IFNAR1: variants seen among roughly 807,000 people sequenced by gnomAD.
IFNAR1 encodes the protein interferon alpha and beta receptor subunit 1, also known as interferon alpha/beta receptor 1.
IFNAR1 carries 47 observed loss-of-function variants against 62.1 expected under a neutral mutation model. The observed-to-expected ratio is 0.76, with a 90% confidence interval of 0.60 to 0.97. IFNAR1 has a LOEUF of 0.97. Ranked by LOEUF, IFNAR1 falls within the 50% of genes least tolerant of loss-of-function variation. The pLI, the probability that IFNAR1 is intolerant of heterozygous loss-of-function variation, is 0.00. For missense variants in IFNAR1, 638 were observed against 654.5 expected, an observed-to-expected ratio of 0.97 and a Z score of 0.27; for synonymous variants, 219 against 226.9, an observed-to-expected ratio of 0.97 and a Z score of 0.31.
chr21:33,349,429 T>C lies in IFNAR1; in HGVS notation c.1029T>C (p.Ser343=). 1 of 1,611,004 alleles carries C rather than the reference T, an allele frequency of 6.2e-7. No homozygotes were observed. Among genetic ancestry groups the C allele is most frequent in the Non-Finnish European group, 8.5e-7 (1 of 1,178,186 alleles). ...CAGTCTTTAACATTAGATCCCTTAG[T>C]GATTCATTCCATATCTATATCGGTG... is the stretch of plus-strand genomic sequence containing the variant. The part of the protein sequence containing the change: ...LPPVFNIRSL[S]DSFHIYIGAP... The change falls in exon 8 of 11, where the codon AGT becomes AGC. Residue 343 remains serine, a synonymous_variant. Coordinates refer to ENST00000270139, the MANE Select transcript of IFNAR1 (RefSeq NM_000629.3).
chr21:33,337,686 C>CTGTATACATACATATACACACATTG (rs371804696), intron 2 of IFNAR1, among the ~76,000 whole-genome samples: 654 of 58,526 alleles, frequency 0.011, 116 homozygotes, highest in East Asian at 0.032. Flanking sequence ...ATAATACATA[C>CTGTATACATACATATACACACATTG]TGTATACATA....
rs1381143978 is a variant in IFNAR1 at position 33,355,768 on chromosome 21, A to C, written c.*219A>C. The C allele has an allele frequency of 4.0e-6, 1 of 249,284 alleles. No homozygotes were observed. The highest frequency in any genetic ancestry group is 7.7e-6 in the Non-Finnish European group (1 of 129,536). The allele number at this position is 249,284 out of a possible 1,614,324, so 15.4% of individuals were successfully genotyped here. On this transcript the variant is annotated 3_prime_UTR_variant, in exon 11 of 11. Transcript: ENST00000270139. ...CACGGTGGCTCACACCTGTAATCCCAGCACTTTGGGAGGCTGAGGCAGGCA... is the reference window on the plus strand; with the variant it reads ...CACGGTGGCTCACACCTGTAATCCCCGCACTTTGGGAGGCTGAGGCAGGCA...
At chr21:33,355,290 C>A in intron 10 of IFNAR1, 26 bp from the exon 11 acceptor site, 2 of 1,096,774 alleles carry the variant, frequency 1.8e-6, no homozygotes, top group Non-Finnish European at 2.6e-6. Context: ...TAATTGATTT[C>A]TACTCTTTCC....
In IFNAR1 at chr21:33,345,332, A is replaced by C; in HGVS notation, c.760A>C (p.Asn254His). The change falls in exon 6 of 11, where the codon AAC becomes CAC. Residue 254 changes from asparagine to histidine, a missense_variant. By Grantham distance (68) the Asn-to-His change is moderately conservative. Transcript: ENST00000270139. ...YVLKWDYTYANMTFQVQWLHA... is the reference protein window; with the variant it reads ...YVLKWDYTYAHMTFQVQWLHA... Reference sequence around the variant, plus strand: ...TCTTAAATGGGATTATACATATGCAAACATGACCTTTCAAGTTCAGTGGCT... The same window carrying C: ...TCTTAAATGGGATTATACATATGCACACATGACCTTTCAAGTTCAGTGGCT... 1 of 1,598,152 alleles carries C rather than the reference A, an allele frequency of 6.3e-7. No homozygotes were observed. Among genetic ancestry groups the C allele is most frequent in the Non-Finnish European group, 8.6e-7 (1 of 1,165,946 alleles).
intron 3 of IFNAR1, among the ~76,000 whole-genome samples, chr21:33,341,620 G>A (rs1426519624): frequency 6.6e-6 from 1 of 151,976 alleles, no homozygotes; most frequent in Non-Finnish European, 1.5e-5. Context: ...GCACCACTCT[G>A]AAGTTTCTAT....
At chr21:33,324,880 G>T, upstream of IFNAR1, 1 of 409,278 alleles carries the variant, frequency 2.4e-6, no homozygotes, top group Non-Finnish European at 4.3e-6. Flanking sequence ...AACGGCGCGT[G>T]CGCGGAGGGG....
At chr21:33,335,682 C>G in intron 2 of IFNAR1, 35 bp downstream of exon 2, 1 of 1,463,298 alleles carries the variant, frequency 6.8e-7, no homozygotes. Flanking sequence ...GTCAGAATGA[C>G]CTGAATAATT....
rs574506341 is a variant in IFNAR1, at chr21:33,350,985, A to G, written c.1143+1442A>G. On this transcript the variant is annotated intron_variant, in intron 8 of 10. Transcript: ENST00000270139. ...AGGATGTTTATAAGGTTTAAAAGGA[A>G]GTAACAAATATGAAAATACCTAGCA... Among the ~76,000 whole-genome samples, 7 of 152,338 alleles carry G rather than the reference A, an allele frequency of 4.6e-5. No homozygotes were observed. In the South Asian group the frequency reaches 1.4e-3, roughly 32 times the overall value.
In IFNAR1 at chr21:33,353,770, C is replaced by T. The variant is rs369713150; in HGVS notation, c.1427C>T (p.Ser476Phe). Reference sequence around the variant, plus strand: ...TTCTTTCCATCACTTAAACCTTCTTCCAGTATAGATGAGGTATGTTACTTT... The same window carrying T: ...TTCTTTCCATCACTTAAACCTTCTTTCAGTATAGATGAGGTATGTTACTTT... Reference protein sequence around the residue: ...YVFFPSLKPSSSIDEYFSEQP... With the variant: ...YVFFPSLKPSFSIDEYFSEQP... Residue 476 changes from serine to phenylalanine, a missense_variant, in exon 10 of 11, where the codon TCC becomes TTC. Coordinates refer to ENST00000270139, the MANE Select transcript of IFNAR1 (RefSeq NM_000629.3). 2.1e-4 allele frequency: 326 copies of T among 1,576,762 alleles called. 1 individual carries two copies. The highest frequency in any genetic ancestry group is 1.6e-3 in the South Asian group (133 of 84,636).
chr21:33,342,333 C>T lies in IFNAR1; in HGVS notation c.377-935C>T, dbSNP rs903911860. 8.5e-5 allele frequency among the ~76,000 whole-genome samples: 13 copies of T among 152,180 alleles called. 1 individual carries two copies. The highest frequency in any genetic ancestry group is 6.5e-4 in the Admixed American group (10 of 15,272). On this transcript the variant is annotated intron_variant, in intron 3 of 10. Transcript: ENST00000270139. ...AGCTGAAGAGGGAGGATCACTTGAG[C>T]CTGGGAGATCAAGGTTGCAGTGAGC...
intron 6 of IFNAR1, among the ~76,000 whole-genome samples, chr21:33,346,658 C>T (rs1010280450): frequency 3.9e-5 from 6 of 152,116 alleles, no homozygotes; most frequent in Admixed American, 1.3e-4. Flanking sequence ...CAGAATCAAA[C>T]GTGGTTCAAA....
intron 2 of IFNAR1, among the ~76,000 whole-genome samples, chr21:33,339,948 A>AT (rs1418586040): frequency 4.0e-5 from 6 of 151,084 alleles, no homozygotes; most frequent in Non-Finnish European, 4.4e-5. Flanking sequence ...AAAAAAAAAA[A>AT]AAGAAATCTG....
rs2123279100 is a variant in IFNAR1, at chr21:33,356,131, G to A, written c.*582G>A. The stretch of plus-strand genomic sequence containing the variant: ...TGAGATGAGTCAGACCAAAACAGTG[G>A]CCACCCGTCTTCCTCCTGTGAGCCT... On this transcript the variant is annotated 3_prime_UTR_variant, in exon 11 of 11. Transcript: ENST00000270139. 6.6e-6 allele frequency: 1 copy of A among 152,304 alleles called. No individual in the cohort carries two copies. The highest frequency in any genetic ancestry group is 3.4e-3 in the Middle Eastern group (1 of 296). 9.4% of individuals were successfully genotyped at this position (152,304 alleles called of 1,614,324 possible).
chr21:33,349,231 C>T lies in IFNAR1; in HGVS notation c.929C>T (p.Ser310Phe), dbSNP rs1452774007. The change falls in exon 7 of 11, where the codon TCT becomes TTT. Residue 310 changes from serine to phenylalanine, a missense_variant. Physicochemically the swap from Ser to Phe is radical, Grantham distance 155. Coordinates refer to ENST00000270139, the MANE Select transcript of IFNAR1 (RefSeq NM_000629.3). Reference protein sequence around the residue: ...KGIYLLRVQASDGNNTSFWSE... With the variant: ...KGIYLLRVQAFDGNNTSFWSE... ...ATTTACCTTCTCCGCGTACAAGCAT[C>T]TGATGGAAATAACACATCTTTTTGG... 6.2e-7 allele frequency: 1 copy of T among 1,613,436 alleles called. No individual in the cohort carries two copies. Among genetic ancestry groups the T allele is most frequent in the Admixed American group, 1.7e-5 (1 of 59,986 alleles).
intron 8 of IFNAR1, among the ~76,000 whole-genome samples, chr21:33,351,553 T>A (rs1003619162): frequency 7.5e-6 from 1 of 134,030 alleles, no homozygotes; most frequent in Admixed American, 7.2e-5. Flanking sequence ...TTTTATTTTA[T>A]TTTTTTTTTT....
In IFNAR1 at chr21:33,353,622, AC is replaced by A. The variant is rs769430855; in HGVS notation, c.1295-15del. 3 of 1,446,332 alleles carry A rather than the reference AC, an allele frequency of 2.1e-6. No homozygotes were observed. In the East Asian group the frequency reaches 7.2e-5, roughly 35 times the overall value. The allele number at this position is 1,446,332 out of a possible 1,614,324, so 89.6% of individuals were successfully genotyped here. ...TATGTCAAAATATATGCTAAATATC[AC>A]GTATATCTTTTTAGGAAATACCTCT... On this transcript the variant is annotated splice_polypyrimidine_tract_variant and intron_variant, in intron 9 of 10. Coordinates refer to ENST00000270139, the MANE Select transcript of IFNAR1 (RefSeq NM_000629.3).
chr21:33,335,402 A>T (rs926394405), intron 1 of IFNAR1, 122 bp from the exon 2 acceptor site: 4 of 529,548 alleles, frequency 7.6e-6, no homozygotes, highest in African/African-American at 3.9e-5. Flanking sequence ...TTAGATTTTT[A>T]AAATATACTT....
Position 33,355,501 on chromosome 21 carries a change from T to C in IFNAR1, c.1626T>C (p.Asp542=), listed in dbSNP as rs1310190975. The C allele has an allele frequency of 1.9e-6, 3 of 1,604,208 alleles. No individual in the cohort carries two copies. The highest frequency in any genetic ancestry group is 2.7e-5 in the African/African-American group (2 of 74,214). ...SQDSGNYSNE[D]ESESKTSEEL... ...ATTCAGGAAATTATTCTAATGAAGA[T>C]GAAAGCGAAAGTAAAACAAGTGAAG... is the stretch of plus-strand genomic sequence containing the variant. Residue 542 remains aspartate, a synonymous_variant, in exon 11 of 11, where the codon GAT becomes GAC. Transcript: ENST00000270139.
At position 33,334,934 on chromosome 21, in the gene IFNAR1, G is replaced by A. The variant is rs150598544; in HGVS notation, c.77-590G>A. 18 of 1,577,470 alleles carry A rather than the reference G, an allele frequency of 1.1e-5. No homozygotes were observed. In the African/African-American group the frequency reaches 2.4e-4, roughly 21 times the overall value. On this transcript the variant is annotated intron_variant, in intron 1 of 10. Transcript: ENST00000270139. ...CCTGCAGTGGGAGATGGGGCAGGGG[G>A]TACCACATCAGGGAGTACAGCTGCT...
Sources: gnomAD v4.1 joint callset for allele counts (sites outside exome capture counted in the v4.1 genomes callset) on GRCh38, gnomAD v4.1.1 for gene constraint, MANE v1.5 for transcripts, NCBI Gene and HGNC (gene_info 2026-07-23, HGNC 2026-07-21) for gene names.